The following ASPSCR1 variants were observed in gnomAD, a reference collection of about 807,000 sequenced individuals.
The protein encoded by ASPSCR1 is ASPSCR1 tether for SLC2A4, UBX domain containing.
ASPSCR1 carries 55 observed loss-of-function variants against 68.9 expected under a neutral mutation model. The ratio of observed to expected loss-of-function variants is 0.80; its 90% CI spans 0.64 to 1.00. The LOEUF (loss-of-function observed/expected upper bound fraction) is 1.00, where lower values mean the gene tolerates loss of function less well. Among genes scored for constraint, ASPSCR1 ranks in the 50% least tolerant of loss-of-function variants. The pLI, the probability that ASPSCR1 is intolerant of heterozygous loss-of-function variation, is 0.00. For missense variants in ASPSCR1, 765 were observed against 762.2 expected (o/e 1.00, Z -0.04); for synonymous variants, 352 against 332.6 (o/e 1.06, Z -0.63).
chr17:81,993,960 A>T (rs1223729651), intron 4 of ASPSCR1, among the ~76,000 whole-genome samples: 1 of 152,052 alleles, frequency 6.6e-6, no homozygotes, highest in Non-Finnish European at 1.5e-5. Context: ...AGAGGGACTG[A>T]TGAGGGGCAT....
rs1376015432 is a variant in ASPSCR1, at chr17:81,987,079, G to A, written c.374+1472G>A. 3.3e-5 allele frequency among the ~76,000 whole-genome samples: 5 copies of A among 151,636 alleles called. No homozygotes were observed. The highest frequency in any genetic ancestry group is 5.9e-5 in the Non-Finnish European group (4 of 67,954). Reference sequence around the variant, plus strand: ...GGGACCCGAGGCAGGAGATGACGGAGCCTAAGAGCAAAGCGAAGCCACGGG... The same window carrying A: ...GGGACCCGAGGCAGGAGATGACGGAACCTAAGAGCAAAGCGAAGCCACGGG... On this transcript the variant is annotated intron_variant, in intron 4 of 15. Transcript: ENST00000306739. The surrounding 1 kb of genome is among the most constrained non-coding windows in gnomAD (Gnocchi z 5.6).
chr17:81,996,445 G>C lies in ASPSCR1; in HGVS notation c.532G>C (p.Val178Leu). The change falls in exon 7 of 16, where the codon GTG becomes CTG. Residue 178 changes from valine (V) to leucine (L), a missense_variant. By Grantham distance (32) the Val-to-Leu change is conservative. Transcript: ENST00000306739. ...IRFVMKCYDP[V>L]GKTPGSLGSS... ...GTTTGTCATGAAGTGCTACGACCCC[G>C]TGGGCAAGACCCCAGGAAGCCTGGG... 1 of 1,600,934 alleles carries C rather than the reference G, an allele frequency of 6.2e-7. No homozygotes were observed. The highest frequency in any genetic ancestry group is 1.1e-5 in the South Asian group (1 of 90,606).
rs149576419 is a variant in ASPSCR1 at position 81,999,842 on chromosome 17, G to A, written c.933+2996G>A. On this transcript the variant is annotated intron_variant, in intron 7 of 15. Transcript: ENST00000306739. This position sits in a 1 kb window ranked among gnomAD's most constrained non-coding sequence, Gnocchi z 4.4. Reference sequence around the variant, plus strand: ...ACACCTGGGAGGGCAGAGGCCGGGCGTCTGCACCGTGTTGGATGTGGGGGC... The same window carrying A: ...ACACCTGGGAGGGCAGAGGCCGGGCATCTGCACCGTGTTGGATGTGGGGGC... Among the ~76,000 whole-genome samples, 502 of 152,294 alleles carry A rather than the reference G, an allele frequency of 3.3e-3. 2 individuals carry two copies. The highest frequency in any genetic ancestry group is 4.7e-3 in the Non-Finnish European group (318 of 68,020).
intron 2 of ASPSCR1, among the ~76,000 whole-genome samples, chr17:81,979,639 G>T (rs2041730133): frequency 1.3e-5 from 2 of 152,188 alleles, no homozygotes; most frequent in African/African-American, 4.8e-5. Context: ...GGTCCTGGGG[G>T]TGAGGACATT....
At position 81,985,606 on chromosome 17, in the gene ASPSCR1, A is replaced by G; in HGVS notation, c.373A>G (p.Arg125Gly). The change falls in exon 4 of 16, where the codon AGG (arginine) becomes GGG (glycine). Residue 125 changes from arginine to glycine, a missense_variant and splice_region_variant. By Grantham distance (125) the Arg-to-Gly change is moderately radical (BLOSUM62 -2). Coordinates refer to ENST00000306739, the MANE Select transcript of ASPSCR1 (RefSeq NM_024083.4). Reference sequence around the variant, plus strand: ...GCTTCTCAGCCATTTTCCACAGATCAGGTGAGCATCAGTGGGCTGGGGGCT... The same window carrying G: ...GCTTCTCAGCCATTTTCCACAGATCGGGTGAGCATCAGTGGGCTGGGGGCT... ...WELLSHFPQI[R>G]ECLQHPGGAT... 1.2e-6 allele frequency: 2 copies of G among 1,613,218 alleles called. No homozygotes were observed. Among genetic ancestry groups the G allele is most frequent in the Non-Finnish European group, 1.7e-6 (2 of 1,179,366 alleles).
At chr17:82,000,023 G>A (rs1378573326) in intron 7 of ASPSCR1, among the ~76,000 whole-genome samples, 1 of 152,222 alleles carries the variant, frequency 6.6e-6, no homozygotes, top group Non-Finnish European at 1.5e-5. Context: ...CTCCCTCTGG[G>A]AACTCTGCCA....
intron 4 of ASPSCR1, among the ~76,000 whole-genome samples, chr17:81,985,912 C>T (rs1032346715): frequency 3.9e-5 from 6 of 151,916 alleles, no homozygotes; most frequent in African/African-American, 7.2e-5. Context: ...TAAGGGGAGA[C>T]GTTCGGTGCT....
chr17:82,003,481 G>A (rs1468435547), intron 7 of ASPSCR1, among the ~76,000 whole-genome samples: 1 of 152,242 alleles, frequency 6.6e-6, no homozygotes, highest in African/African-American at 2.4e-5. Context: ...GGCCTTCCTT[G>A]TTGGCCTCTC....
chr17:81,992,707 T>C (rs1234262727), intron 4 of ASPSCR1, among the ~76,000 whole-genome samples: 1 of 152,218 alleles, frequency 6.6e-6, no homozygotes, highest in African/African-American at 2.4e-5. Context: ...CGGCGCATTT[T>C]GAGGCCTTGT....
rs1382971149 is a variant in ASPSCR1, at chr17:82,017,283, G to T, written c.1649-26G>T. 3 of 1,610,662 alleles carry T rather than the reference G, an allele frequency of 1.9e-6. No homozygotes were observed. In the Middle Eastern group the frequency reaches 5.0e-4, roughly 269 times the overall value. ...GGGTGGTGAGAGCCCGGGGTGTGTG[G>T]TCACCCTGATGTGTCTGCACTACAG... On this transcript the variant is annotated intron_variant, in intron 15 of 15. Coordinates refer to ENST00000306739, the MANE Select transcript of ASPSCR1 (RefSeq NM_024083.4).
chr17:81,989,923 G>A (rs562699875), intron 4 of ASPSCR1, among the ~76,000 whole-genome samples: 1 of 152,342 alleles, frequency 6.6e-6, no homozygotes, highest in African/African-American at 2.4e-5. Flanking sequence ...GAGTAGCTGG[G>A]ATTACTGGCG....
In ASPSCR1 at chr17:81,989,975, G is replaced by C. The variant is rs756493385; in HGVS notation, c.374+4368G>C. Among the ~76,000 whole-genome samples, 102 of 152,142 alleles carry C rather than the reference G, an allele frequency of 6.7e-4. 1 individual carries two copies. Among genetic ancestry groups the C allele is most frequent in the Non-Finnish European group, 1.5e-4 (10 of 68,014 alleles). ...GCTAATTTTTGTATTTTTTTTAGTA[G>C]AGACAGGGTTTCACCATGTTGGCCA... On this transcript the variant is annotated intron_variant, in intron 4 of 15. Coordinates refer to ENST00000306739, the MANE Select transcript of ASPSCR1 (RefSeq NM_024083.4).
intron 1 of ASPSCR1, 60 bp from the exon 2 acceptor site, chr17:81,979,124 C>T (rs2041712474): frequency 6.3e-7 from 1 of 1,582,198 alleles, no homozygotes. Context: ...CTGACCTGGC[C>T]CACTGCGCCC....
intron 7 of ASPSCR1, among the ~76,000 whole-genome samples, chr17:81,998,868 C>T (rs935982375): frequency 3.3e-5 from 5 of 152,248 alleles, no homozygotes; most frequent in Admixed American, 3.3e-4. Context: ...GGGCCCTTGG[C>T]GGGGAGTGCA....
intron 7 of ASPSCR1, among the ~76,000 whole-genome samples, chr17:81,997,824 C>T (rs536531904): frequency 6.9e-6 from 1 of 143,916 alleles, no homozygotes; most frequent in South Asian, 2.2e-4. Flanking sequence ...TACTGAGGCA[C>T]CCACTTTTTT....
At chr17:81,996,387 AAGGT>A in intron 6 of ASPSCR1, 29 bp from the exon 7 acceptor site, 1 of 1,545,184 alleles carries the variant, frequency 6.5e-7, no homozygotes, top group Non-Finnish European at 8.7e-7. Flanking sequence ...TAGGCACCAC[AAGGT>A]GCTTCCCTTG....
intron 12 of ASPSCR1, chr17:82,013,865 T>G (rs2043034694): frequency 6.6e-6 from 1 of 152,408 alleles, no homozygotes; most frequent in Non-Finnish European, 1.5e-5. Flanking sequence ...GCATCAGGGC[T>G]GGCCCTGCCC....
chr17:82,012,195 G>A lies in ASPSCR1; in HGVS notation c.1301-36G>A, dbSNP rs769829365. 3.4e-5 allele frequency: 55 copies of A among 1,604,718 alleles called. No homozygotes were observed. The East Asian group carries it at 1.2e-3, about 34-fold the overall frequency. On this transcript the variant is annotated intron_variant, in intron 11 of 15. Transcript: ENST00000306739. ...GGGCGCATGGATGGGCGAGGTCCAC[G>A]GTGCTTCCTAACACGTAGGTGCCTT...
At chr17:82,016,744 G>A in intron 13 of ASPSCR1, 56 bp from the exon 14 acceptor site, 2 of 1,569,878 alleles carry the variant, frequency 1.3e-6, no homozygotes, top group South Asian at 1.1e-5. Context: ...GATGCTGGGT[G>A]GATGGTGAGT....
Sources: allele counts gnomAD v4.1 joint callset (sites outside exome capture counted in the v4.1 genomes callset), GRCh38; gene constraint gnomAD v4.1.1; non-coding constraint Gnocchi (gnomAD v3.1); transcripts MANE v1.5; gene names NCBI Gene and HGNC (gene_info 2026-07-23, HGNC 2026-07-21).